Variants in SEMA3A observed in about 807,000 individuals in gnomAD.
SEMA3A encodes the protein semaphorin 3A.
SEMA3A carries 29 observed loss-of-function variants against 97.9 expected under a neutral mutation model. The observed-to-expected ratio is 0.30, with a 90% CI of 0.22 to 0.40. SEMA3A has a LOEUF of 0.40. Among genes scored for constraint, SEMA3A ranks in the 10% least tolerant of loss-of-function variants. The probability of loss-of-function intolerance (pLI) is 1.00; values close to 1 mark genes in which losing one functional copy is unlikely to be tolerated. For missense variants in SEMA3A, 763 were observed against 951.3 expected (o/e 0.80, Z 2.60); for synonymous variants, 321 against 323.7 (o/e 0.99, Z 0.09).
intron 3 of SEMA3A, among the ~76,000 whole-genome samples, chr7:84,245,899 G>A (rs113242908): frequency 1.3e-5 from 2 of 152,298 alleles, no homozygotes; most frequent in African/African-American, 4.8e-5. Context: ...GAGATCTGCT[G>A]CTTTCTTCAG....
At chr7:84,066,807 G>A (rs1793522176) in intron 4 of SEMA3A, among the ~76,000 whole-genome samples, 1 of 152,094 alleles carries the variant, frequency 6.6e-6, no homozygotes. Flanking sequence ...CCATGCTCAT[G>A]GGTAGGAAGA....
chr7:84,389,425 G>T (rs1267334325), intron 1 of SEMA3A, among the ~76,000 whole-genome samples: 2 of 151,928 alleles, frequency 1.3e-5, no homozygotes, highest in Admixed American at 6.6e-5. Flanking sequence ...CTATCTATAC[G>T]GCTTTTATGG....
chr7:84,104,297 G>C (rs1179453467), intron 4 of SEMA3A, among the ~76,000 whole-genome samples: 1 of 152,024 alleles, frequency 6.6e-6, no homozygotes, highest in Non-Finnish European at 1.5e-5. Flanking sequence ...TATAAAAACT[G>C]TTTAAATTTG....
chr7:84,139,163 C>T (rs1172732341), intron 1 of SEMA3A, among the ~76,000 whole-genome samples: 1 of 152,068 alleles, frequency 6.6e-6, no homozygotes, highest in African/African-American at 2.4e-5. Context: ...TATTCTTCCA[C>T]CTTCTTACAT....
chr7:84,107,337 G>A (rs1362766706), intron 4 of SEMA3A, among the ~76,000 whole-genome samples: 1 of 152,098 alleles, frequency 6.6e-6, no homozygotes, highest in Non-Finnish European at 1.5e-5. Context: ...TAAATTTGAT[G>A]TAGTCTAGAC....
At chr7:84,152,838 G>A (rs1796720561) in intron 1 of SEMA3A, among the ~76,000 whole-genome samples, 1 of 151,846 alleles carries the variant, frequency 6.6e-6, no homozygotes, top group Non-Finnish European at 1.5e-5. Context: ...ATGTAAAGCA[G>A]GCATTTGTTT....
intron 1 of SEMA3A, among the ~76,000 whole-genome samples, chr7:84,377,462 T>C (rs946800373): frequency 6.6e-6 from 1 of 152,168 alleles, no homozygotes; most frequent in Non-Finnish European, 1.5e-5. Flanking sequence ...TTGGTCTATG[T>C]GTCTGTTTTT....
chr7:84,253,067 AG>A (rs1341617361), intron 3 of SEMA3A, among the ~76,000 whole-genome samples: 2 of 151,808 alleles, frequency 1.3e-5, no homozygotes, highest in Non-Finnish European at 2.9e-5. Flanking sequence ...TAGTAGAGAC[AG>A]GGTTTCACCA....
intron 2 of SEMA3A, among the ~76,000 whole-genome samples, chr7:84,318,549 C>G (rs1801570877): frequency 6.6e-6 from 1 of 151,928 alleles, no homozygotes; most frequent in Non-Finnish European, 1.5e-5. Context: ...GTCTCGATCT[C>G]CTGACCTCGT....
intron 1 of SEMA3A, among the ~76,000 whole-genome samples, chr7:84,141,111 C>T (rs946604731): frequency 3.9e-5 from 6 of 152,138 alleles, no homozygotes; most frequent in Non-Finnish European, 8.8e-5. Flanking sequence ...GAATTCTACT[C>T]CTACTATTTC....
At chr7:84,091,724 A>T (rs1035248174) in intron 4 of SEMA3A, among the ~76,000 whole-genome samples, 28 of 152,176 alleles carry the variant, frequency 1.8e-4, no homozygotes, top group Non-Finnish European at 3.2e-4. Flanking sequence ...ATTTTTAGAG[A>T]CTATCTTCAT....
intron 4 of SEMA3A, among the ~76,000 whole-genome samples, chr7:84,081,032 A>G (rs997494877): frequency 6.6e-6 from 1 of 151,838 alleles, no homozygotes; most frequent in Non-Finnish European, 1.5e-5. Context: ...TTTGTGTTAC[A>G]TTTGTTCAAA....
At chr7:84,382,104 T>C (rs1803275566) in intron 1 of SEMA3A, among the ~76,000 whole-genome samples, 1 of 152,060 alleles carries the variant, frequency 6.6e-6, no homozygotes, top group Non-Finnish European at 1.5e-5. Context: ...AAAATACATA[T>C]GCCATTTTTT....
intron 4 of SEMA3A, among the ~76,000 whole-genome samples, chr7:84,080,960 A>G (rs1208038443): frequency 8.5e-4 from 130 of 152,230 alleles, no homozygotes; most frequent in Non-Finnish European, 2.4e-4. Context: ...TAACACATAC[A>G]AAAATATGAA....
intron 2 of SEMA3A, among the ~76,000 whole-genome samples, chr7:84,338,204 C>T (rs1351908024): frequency 6.6e-6 from 1 of 150,752 alleles, no homozygotes; most frequent in East Asian, 1.9e-4. Context: ...GAAAATGTTC[C>T]ATATATCCCA....
At chr7:84,407,061 C>A (rs1039700201) in intron 1 of SEMA3A, among the ~76,000 whole-genome samples, 1 of 152,052 alleles carries the variant, frequency 6.6e-6, no homozygotes, top group African/African-American at 2.4e-5. Flanking sequence ...GGCAATCAGG[C>A]AGGAGAAGGA....
At chr7:84,115,938 A>G (rs1389927691) in intron 3 of SEMA3A, among the ~76,000 whole-genome samples, 3 of 152,210 alleles carry the variant, frequency 2.0e-5, no homozygotes, top group Admixed American at 1.3e-4. Context: ...TATTGTGGAC[A>G]AAATTATTTG....
chr7:84,406,280 A>T (rs1025394325), intron 1 of SEMA3A, among the ~76,000 whole-genome samples: 11 of 152,176 alleles, frequency 7.2e-5, no homozygotes, highest in Admixed American at 7.2e-4. Flanking sequence ...CCTCTAGGCA[A>T]ATAAACTAGA....
chr7:84,439,262 A>G (rs370308292), intron 1 of SEMA3A, among the ~76,000 whole-genome samples: 8 of 152,236 alleles, frequency 5.3e-5, no homozygotes, highest in African/African-American at 1.9e-4. Flanking sequence ...ATAGCCTCCC[A>G]CTTTAAGCCC....
Sources: gnomAD v4.1 joint callset for allele counts (sites outside exome capture counted in the v4.1 genomes callset) on GRCh38, gnomAD v4.1.1 for gene constraint, MANE v1.5 for transcripts, NCBI Gene and HGNC (gene_info 2026-07-23, HGNC 2026-07-21) for gene names.